The following NRXN1 variants were observed in gnomAD, a reference collection of about 807,000 sequenced individuals.
The protein encoded by NRXN1 is neurexin 1.
Under a neutral mutation model 150.9 loss-of-function variants are expected in NRXN1, and 39 were observed. That is an observed-to-expected ratio of 0.26 (90% CI 0.20 to 0.34). NRXN1 has a LOEUF of 0.34. Ranked by LOEUF, NRXN1 falls within the 10% of genes least tolerant of loss-of-function variation. The pLI is 1.00. For missense variants in NRXN1, 1,815 were observed against 1,949.9 expected (o/e 0.93, Z 1.30); for synonymous variants, 924 against 757.0 (o/e 1.22, Z -3.62).
chr2:50,291,517 G>A (rs536174716), intron 17 of NRXN1, among the ~76,000 whole-genome samples: 38 of 152,218 alleles, frequency 2.5e-4, no homozygotes, highest in African/African-American at 8.9e-4. Context: ...CCCAGCTCTA[G>A]AGAAGCATTC....
At chr2:50,094,733 G>A (rs1046118757) in intron 18 of NRXN1, among the ~76,000 whole-genome samples, 1 of 151,172 alleles carries the variant, frequency 6.6e-6, no homozygotes, top group Non-Finnish European at 1.5e-5. Flanking sequence ...TAAAGGGATT[G>A]GGCTGAGTGG....
chr2:50,728,156 T>C (rs375819432), intron 5 of NRXN1, among the ~76,000 whole-genome samples: 1 of 151,970 alleles, frequency 6.6e-6, no homozygotes, highest in African/African-American at 2.4e-5. Flanking sequence ...ATTGTCATGT[T>C]TGAGACAGAG....
intron 17 of NRXN1, among the ~76,000 whole-genome samples, chr2:50,283,681 C>T (rs1362335196): frequency 6.6e-6 from 1 of 152,128 alleles, no homozygotes; most frequent in Non-Finnish European, 1.5e-5. Flanking sequence ...TTTTCCTTTT[C>T]TACTGCACAT....
At chr2:50,330,335 C>T (rs549173195) in intron 17 of NRXN1, among the ~76,000 whole-genome samples, 1 of 152,174 alleles carries the variant, frequency 6.6e-6, no homozygotes, top group South Asian at 2.1e-4. Context: ...CACTAATAAC[C>T]AATGTTATCG....
At chr2:50,651,422 G>C (rs117360738) in intron 5 of NRXN1, among the ~76,000 whole-genome samples, 1 of 151,762 alleles carries the variant, frequency 6.6e-6, no homozygotes, top group South Asian at 2.1e-4. Context: ...AGACCAGCCT[G>C]GGAAATATAG....
At chr2:50,916,516 A>G (rs1685237710) in intron 5 of NRXN1, among the ~76,000 whole-genome samples, 1 of 151,614 alleles carries the variant, frequency 6.6e-6, no homozygotes, top group African/African-American at 2.4e-5. Flanking sequence ...CAAATGTATA[A>G]ATAACATAAA....
chr2:50,280,223 A>C (rs1173157710), intron 17 of NRXN1, among the ~76,000 whole-genome samples: 1 of 149,478 alleles, frequency 6.7e-6, no homozygotes, highest in Non-Finnish European at 1.5e-5. Context: ...GCTTGCAGTG[A>C]GCCGAGATCA....
intron 17 of NRXN1, among the ~76,000 whole-genome samples, chr2:50,278,538 A>G (rs1292763324): frequency 6.6e-6 from 1 of 151,350 alleles, no homozygotes; most frequent in East Asian, 1.9e-4. Context: ...TCCAAAGGTT[A>G]ATCAAGGGCC....
At chr2:50,479,629 TAAA>T (rs1305822703) in intron 15 of NRXN1, among the ~76,000 whole-genome samples, 6 of 35,806 alleles carry the variant, frequency 1.7e-4, no homozygotes, top group Non-Finnish European at 4.3e-4. Flanking sequence ...TCACATTCAA[TAAA>T]TAATCATTGA....
chr2:51,004,347 T>A (rs964968731), intron 2 of NRXN1, among the ~76,000 whole-genome samples: 5 of 151,980 alleles, frequency 3.3e-5, no homozygotes, highest in Non-Finnish European at 5.9e-5. Flanking sequence ...AAGTGCCATT[T>A]CTGTTTTTGG....
intron 17 of NRXN1, among the ~76,000 whole-genome samples, chr2:50,326,557 AG>A (rs1237867941): frequency 6.6e-6 from 1 of 152,236 alleles, no homozygotes; most frequent in Non-Finnish European, 1.5e-5. Flanking sequence ...GTCATGAGCA[AG>A]GACCTGAAAC....
intron 5 of NRXN1, among the ~76,000 whole-genome samples, chr2:50,796,191 T>C: frequency 6.6e-6 from 1 of 152,170 alleles, no homozygotes; most frequent in East Asian, 1.9e-4. Flanking sequence ...GTTAAGCATG[T>C]TCAAATACTC....
intron 5 of NRXN1, among the ~76,000 whole-genome samples, chr2:50,665,240 C>T (rs1035510390): frequency 5.9e-5 from 9 of 151,894 alleles, no homozygotes; most frequent in African/African-American, 2.2e-4. Context: ...AAAATAGACT[C>T]TAAAACACTA....
chr2:50,171,070 A>T (rs2060001441), intron 18 of NRXN1, among the ~76,000 whole-genome samples: 1 of 152,154 alleles, frequency 6.6e-6, no homozygotes, highest in African/African-American at 2.4e-5. Flanking sequence ...ATTAGGTGGA[A>T]ATTAATCATC....
intron 12 of NRXN1, among the ~76,000 whole-genome samples, chr2:50,513,422 C>G (rs887129170): frequency 1.3e-5 from 2 of 152,100 alleles, no homozygotes; most frequent in African/African-American, 2.4e-5. Context: ...TTTTTTGGAA[C>G]AGTTGCCATT....
intron 8 of NRXN1, among the ~76,000 whole-genome samples, chr2:50,601,779 T>G (rs553974980): frequency 6.6e-6 from 1 of 152,338 alleles, no homozygotes; most frequent in East Asian, 1.9e-4. Context: ...CATCATACAC[T>G]GGAGTACATT....
intron 5 of NRXN1, among the ~76,000 whole-genome samples, chr2:50,787,335 G>A (rs1705266762): frequency 6.6e-6 from 1 of 151,980 alleles, no homozygotes; most frequent in African/African-American, 2.4e-5. Context: ...CGAGGTGAGT[G>A]GATCACCTGA....
chr2:50,031,521 A>C (rs1181412707), intron 21 of NRXN1, among the ~76,000 whole-genome samples: 2 of 152,112 alleles, frequency 1.3e-5, no homozygotes, highest in East Asian at 3.8e-4. Flanking sequence ...AAGTACAGTC[A>C]TTTAGGCATT....
Position 50,172,346 on chromosome 2 carries a change from A to G in NRXN1, c.3546+64443T>C, listed in dbSNP as rs73932967. On this transcript the variant is annotated intron_variant, in intron 18 of 22. Coordinates refer to ENST00000401669, the MANE Select transcript of NRXN1 (RefSeq NM_001330078.2). ...AAATCACATGTTAACTAATGAACTG[A>G]GCCTAACAACAAAAAAGACACAGGG... Among the ~76,000 whole-genome samples, 1,347 of 152,228 alleles carry G rather than the reference A, an allele frequency of 8.8e-3. 21 individuals are homozygous for G. The highest frequency in any genetic ancestry group is 0.031 in the African/African-American group (1,288 of 41,530).
Sources: allele counts gnomAD v4.1 joint callset (sites outside exome capture counted in the v4.1 genomes callset), GRCh38; gene constraint gnomAD v4.1.1; transcripts MANE v1.5; gene names NCBI Gene and HGNC (gene_info 2026-07-23, HGNC 2026-07-21).